Variants in ROBO1 observed in about 807,000 individuals in gnomAD.
ROBO1 encodes the protein roundabout homolog 1.
A neutral mutation model predicts 195.9 loss-of-function variants in ROBO1; 149 were observed. That is an observed-to-expected ratio of 0.76 (90% CI 0.67 to 0.87). The LOEUF (loss-of-function observed/expected upper bound fraction) is 0.87, where lower values mean the gene tolerates loss of function less well. ROBO1 is among the 40% of genes least tolerant of loss of function. ROBO1 has a pLI of 0.00. For synonymous variants in ROBO1, 816 were observed against 733.2 expected, an observed-to-expected ratio of 1.11 and a Z score of -1.82; for missense variants, 1,933 against 2,068.3, an observed-to-expected ratio of 0.93 and a Z score of 1.27.
At chr3:79,288,229 C>T (rs897324272) in intron 2 of ROBO1, among the ~76,000 whole-genome samples, 6 of 152,080 alleles carry the variant, frequency 3.9e-5, no homozygotes, top group African/African-American at 1.4e-4. Context: ...TCCCCTGATA[C>T]TTGTAATTTA....
chr3:79,757,290 G>C (rs369219328), intron 1 of ROBO1, among the ~76,000 whole-genome samples: 1 of 152,046 alleles, frequency 6.6e-6, no homozygotes, highest in Non-Finnish European at 1.5e-5. Context: ...TACATAATCC[G>C]ATTTTGTTTG....
At chr3:78,807,566 AG>A (rs2084585125) in intron 4 of ROBO1, among the ~76,000 whole-genome samples, 1 of 152,244 alleles carries the variant, frequency 6.6e-6, no homozygotes, top group African/African-American at 2.4e-5. Context: ...TGTGAATAAA[AG>A]TAACAGTATT....
chr3:79,305,487 CAAAA>C (rs755731665), intron 2 of ROBO1, among the ~76,000 whole-genome samples: 6 of 55,704 alleles, frequency 1.1e-4, no homozygotes, highest in Admixed American at 2.2e-4. Flanking sequence ...AACTCCATCT[CAAAA>C]AAAAAAAAAA....
chr3:79,450,132 A>T lies in ROBO1; in HGVS notation c.88+139692T>A, dbSNP rs150154963. On this transcript the variant is annotated intron_variant, in intron 2 of 30. Coordinates refer to ENST00000464233, the MANE Select transcript of ROBO1 (RefSeq NM_002941.4). ...TATTGGGGAAAAAAAATGAAAAAAA[A>T]AAAAAAGACTGGGGTAAGGATAGGC... Among the ~76,000 whole-genome samples the T allele has an allele frequency of 3.9e-3, 588 of 152,150 alleles. 2 individuals are homozygous for T. The highest frequency in any genetic ancestry group is 7.1e-3 in the Admixed American group (109 of 15,276).
intron 1 of ROBO1, among the ~76,000 whole-genome samples, chr3:79,651,616 TCTGCAA>T (rs1176100175): frequency 6.6e-6 from 1 of 152,126 alleles, no homozygotes; most frequent in Admixed American, 6.6e-5. Context: ...TTAGCCTTAG[TCTGCAA>T]CGCTAGCACC....
intron 1 of ROBO1, among the ~76,000 whole-genome samples, chr3:79,712,098 G>A (rs973576133): frequency 3.9e-5 from 6 of 151,950 alleles, no homozygotes; most frequent in African/African-American, 1.2e-4. Context: ...CCAGAACAAC[G>A]AATAACCCTA....
intron 2 of ROBO1, among the ~76,000 whole-genome samples, chr3:79,245,903 C>G (rs2082616872): frequency 6.6e-6 from 1 of 152,092 alleles, no homozygotes; most frequent in Non-Finnish European, 1.5e-5. Context: ...AAACTGTAAT[C>G]CCACCAGGGA....
chr3:79,278,302 T>A (rs905921615), intron 2 of ROBO1, among the ~76,000 whole-genome samples: 3 of 152,070 alleles, frequency 2.0e-5, no homozygotes, highest in African/African-American at 7.2e-5. Context: ...TTCACATACA[T>A]GGAAAGAGAA....
intron 3 of ROBO1, among the ~76,000 whole-genome samples, chr3:79,089,939 C>CTTTT (rs1177571028): frequency 0.013 from 152 of 11,948 alleles, 1 homozygote; most frequent in Middle Eastern, 0.05. Flanking sequence ...GTTATTCTTT[C>CTTTT]TTTTTTTTTT....
chr3:79,443,274 A>G (rs1335736325), intron 2 of ROBO1, among the ~76,000 whole-genome samples: 3 of 152,098 alleles, frequency 2.0e-5, no homozygotes, highest in African/African-American at 7.2e-5. Context: ...CAATATAACA[A>G]CTTCAGAGTT....
intron 4 of ROBO1, among the ~76,000 whole-genome samples, chr3:78,857,821 G>A (rs192349079): frequency 3.9e-5 from 6 of 152,286 alleles, no homozygotes; most frequent in East Asian, 3.9e-4. Context: ...AAATCCAGGC[G>A]TTAACTCATA....
chr3:79,453,067 G>C (rs1161358652), intron 2 of ROBO1, among the ~76,000 whole-genome samples: 1 of 152,032 alleles, frequency 6.6e-6, no homozygotes, highest in Admixed American at 6.6e-5. Flanking sequence ...CAAAGAATGG[G>C]AGGAAGAGTG....
Position 79,280,843 on chromosome 3 carries a change from A to G in ROBO1, c.89-155304T>C, listed in dbSNP as rs980222054. Among the ~76,000 whole-genome samples, 3 of 152,156 alleles carry G rather than the reference A, an allele frequency of 2.0e-5. 1 individual carries two copies. Among genetic ancestry groups the G allele is most frequent in the Non-Finnish European group, 1.5e-5 (1 of 68,022 alleles). ...ACTTCACAATAGGGTTTGAGCTCCT[A>G]TGAGAATCTAATGTCTCCGCAGATC... On this transcript the variant is annotated intron_variant, in intron 2 of 30. Coordinates refer to ENST00000464233, the MANE Select transcript of ROBO1 (RefSeq NM_002941.4).
chr3:79,474,290 AG>A (rs1432026352), intron 2 of ROBO1, among the ~76,000 whole-genome samples: 2 of 152,168 alleles, frequency 1.3e-5, no homozygotes, highest in Non-Finnish European at 2.9e-5. Flanking sequence ...AAGTTTACAT[AG>A]CAACAAGTCA....
At chr3:78,662,244 GAA>G (rs11359455) in intron 14 of ROBO1, 130 bp from the exon 15 acceptor site, 27,631 of 419,284 alleles carry the variant, frequency 0.066, 1 homozygote, top group South Asian at 0.089. Flanking sequence ...CTGTGATTCG[GAA>G]AAAAAAAAAA....
intron 3 of ROBO1, among the ~76,000 whole-genome samples, chr3:79,065,180 A>T (rs1476678961): frequency 6.6e-6 from 1 of 152,010 alleles, no homozygotes; most frequent in Non-Finnish European, 1.5e-5. Flanking sequence ...AATAACACAA[A>T]AGTGAATAAT....
chr3:79,513,638 G>A (rs945325199), intron 2 of ROBO1, among the ~76,000 whole-genome samples: 4 of 151,924 alleles, frequency 2.6e-5, no homozygotes, highest in Admixed American at 2.6e-4. Context: ...ATAAGCCAAG[G>A]AGAATGTTGC....
At chr3:78,961,199 A>G (rs889882343) in intron 3 of ROBO1, among the ~76,000 whole-genome samples, 2 of 152,156 alleles carry the variant, frequency 1.3e-5, no homozygotes, top group African/African-American at 4.8e-5. Flanking sequence ...CTGACACCCA[A>G]AAGTATGCAA....
intron 4 of ROBO1, among the ~76,000 whole-genome samples, chr3:78,841,502 T>C (rs1424638089): frequency 1.3e-5 from 2 of 152,158 alleles, no homozygotes; most frequent in Non-Finnish European, 2.9e-5. Flanking sequence ...CCCAGAATTA[T>C]TGACAATTGA....
Sources: gnomAD v4.1 joint callset for allele counts (sites outside exome capture counted in the v4.1 genomes callset) on GRCh38, gnomAD v4.1.1 for gene constraint, MANE v1.5 for transcripts, NCBI Gene and HGNC (gene_info 2026-07-23, HGNC 2026-07-21) for gene names.